Variants in CCDC30 observed in about 807,000 individuals in gnomAD.
CCDC30 encodes the protein coiled-coil domain-containing protein 30.
A neutral mutation model predicts 100.2 loss-of-function variants in CCDC30; 70 were observed. That is an observed-to-expected ratio of 0.70 (90% CI 0.58 to 0.85). The LOEUF (loss-of-function observed/expected upper bound fraction) is 0.85, where lower values mean the gene tolerates loss of function less well. Ranked by LOEUF, CCDC30 falls within the 40% of genes least tolerant of loss-of-function variation. The pLI is 0.00. For synonymous variants in CCDC30, 233 were observed against 269.5 expected (o/e 0.86, Z 1.33); for missense variants, 652 against 771.2 (o/e 0.85, Z 1.83).
At chr1:42,476,315 T>C (rs1265525427) in intron 1 of CCDC30, among the ~76,000 whole-genome samples, 1 of 152,156 alleles carries the variant, frequency 6.6e-6, no homozygotes, top group Non-Finnish European at 1.5e-5. Flanking sequence ...TATTTTTAAC[T>C]CCTTCACTAG....
At chr1:42,558,158 G>T in intron 6 of CCDC30, 1 of 296,806 alleles carries the variant, frequency 3.4e-6, no homozygotes, top group Non-Finnish European at 7.1e-6. Context: ...ACTGGAAAAT[G>T]TAGATGAGAA....
chr1:42,570,010 A>G (rs1161912695), intron 7 of CCDC30, among the ~76,000 whole-genome samples: 1 of 152,186 alleles, frequency 6.6e-6, no homozygotes, highest in East Asian at 1.9e-4. Flanking sequence ...TAGCATTAGG[A>G]GAAATACCCA....
intron 6 of CCDC30, among the ~76,000 whole-genome samples, chr1:42,513,392 C>T (rs1012648220): frequency 5.9e-5 from 9 of 152,132 alleles, no homozygotes; most frequent in African/African-American, 2.2e-4. Context: ...GAAGGTTTGT[C>T]ACCCCACCCT....
At chr1:42,480,043 T>G (rs11210651) in intron 1 of CCDC30, among the ~76,000 whole-genome samples, 30,481 of 152,094 alleles carry the variant, frequency 0.2, 3,336 homozygotes, top group South Asian at 0.42. Flanking sequence ...TAGGCTTTTT[T>G]GGGGCTTCTG....
chr1:42,484,476 G>A (rs1644017698), intron 3 of CCDC30, among the ~76,000 whole-genome samples: 1 of 152,180 alleles, frequency 6.6e-6, no homozygotes, highest in Non-Finnish European at 1.5e-5. Context: ...CAATCACATA[G>A]CAACCTGTTC....
intron 1 of CCDC30, among the ~76,000 whole-genome samples, chr1:42,474,948 C>T (rs1481783216): frequency 6.6e-6 from 1 of 152,152 alleles, no homozygotes; most frequent in African/African-American, 2.4e-5. Flanking sequence ...CTCCTGTTAA[C>T]ATTTAATCAT....
At chr1:42,516,459 C>G (rs543532876) in intron 6 of CCDC30, among the ~76,000 whole-genome samples, 1 of 149,544 alleles carries the variant, frequency 6.7e-6, no homozygotes, top group Non-Finnish European at 1.5e-5. Flanking sequence ...CTGAATTCCT[C>G]GGGAGGCTGA....
At chr1:42,470,593 T>C (rs1643737458) in intron 1 of CCDC30, among the ~76,000 whole-genome samples, 1 of 152,166 alleles carries the variant, frequency 6.6e-6, no homozygotes, top group African/African-American at 2.4e-5. Flanking sequence ...ATAAATAAAA[T>C]GTGCTATGTA....
chr1:42,599,082 G>A (rs547361330), intron 10 of CCDC30, among the ~76,000 whole-genome samples: 7 of 152,236 alleles, frequency 4.6e-5, no homozygotes, highest in Admixed American at 4.6e-4. Flanking sequence ...ATTAGTGAAG[G>A]TAAAGTAAAA....
chr1:42,531,334 C>T (rs1411098055), intron 6 of CCDC30, among the ~76,000 whole-genome samples: 1 of 152,154 alleles, frequency 6.6e-6, no homozygotes, highest in Non-Finnish European at 1.5e-5. Context: ...GACCTCTTTT[C>T]TTTATAAATT....
chr1:42,543,635 A>G (rs529691209), intron 6 of CCDC30, among the ~76,000 whole-genome samples: 88 of 152,198 alleles, frequency 5.8e-4, no homozygotes, highest in African/African-American at 2.1e-3. Flanking sequence ...AAATTACTCT[A>G]TACTCAGTTC....
chr1:42,584,592 C>T (rs779450900), intron 9 of CCDC30, among the ~76,000 whole-genome samples: 21 of 136,304 alleles, frequency 1.5e-4, no homozygotes, highest in East Asian at 2.3e-4. Context: ...GCTAAACAGG[C>T]GAGACTCCAT....
At chr1:42,525,806 C>T (rs4443926) in intron 6 of CCDC30, among the ~76,000 whole-genome samples, 149,194 of 152,266 alleles carry the variant, frequency 0.98, 73,161 homozygotes, top group East Asian at 1. Flanking sequence ...ATAGTCCTAC[C>T]CTTATGGTGT....
chr1:42,465,317 A>T (rs1020650173), intron 1 of CCDC30, among the ~76,000 whole-genome samples: 18 of 152,108 alleles, frequency 1.2e-4, no homozygotes, highest in African/African-American at 4.3e-4. Flanking sequence ...TCTCAAAAAA[A>T]ATAAATTCCT....
intron 4 of CCDC30, among the ~76,000 whole-genome samples, chr1:42,493,592 GA>G (rs1047888611): frequency 4.0e-5 from 6 of 149,748 alleles, no homozygotes; most frequent in African/African-American, 7.3e-5. Context: ...TCTCAAAAAA[GA>G]AAAAAAAATC....
chr1:42,557,210 G>A (rs181475491), intron 6 of CCDC30, among the ~76,000 whole-genome samples: 101 of 152,258 alleles, frequency 6.6e-4, no homozygotes, highest in African/African-American at 2.2e-3. Flanking sequence ...TAGCAATAAA[G>A]GAAGTTAAAA....
At chr1:42,611,403 C>T (rs1379568975) in intron 11 of CCDC30, among the ~76,000 whole-genome samples, 1 of 152,110 alleles carries the variant, frequency 6.6e-6, no homozygotes, top group Non-Finnish European at 1.5e-5. Flanking sequence ...ATACTTTCCT[C>T]AGCCTGAACC....
intron 11 of CCDC30, among the ~76,000 whole-genome samples, chr1:42,635,168 G>A (rs2148674807): frequency 6.6e-6 from 1 of 152,136 alleles, no homozygotes; most frequent in Admixed American, 6.6e-5. Flanking sequence ...TGATTCTCCT[G>A]CCTCAGCCTC....
intron 6 of CCDC30, among the ~76,000 whole-genome samples, chr1:42,524,658 T>G (rs187187582): frequency 1.3e-5 from 2 of 152,226 alleles, no homozygotes; most frequent in Non-Finnish European, 2.9e-5. Flanking sequence ...ACACGTTGCA[T>G]GCAAGCTGTT....
Sources: allele counts gnomAD v4.1 joint callset (sites outside exome capture counted in the v4.1 genomes callset), GRCh38; gene constraint gnomAD v4.1.1; transcripts MANE v1.5; gene names NCBI Gene and HGNC (gene_info 2026-07-23, HGNC 2026-07-21).